Variants in APBA1 observed in about 807,000 individuals in gnomAD.
The protein encoded by APBA1 is amyloid-beta A4 precursor protein-binding family A member 1.
APBA1 carries 55 observed loss-of-function variants against 86.6 expected under a neutral mutation model. The observed-to-expected ratio is 0.64, with a 90% CI of 0.51 to 0.80. APBA1 has a LOEUF of 0.80. Among genes scored for constraint, APBA1 ranks in the 30% least tolerant of loss-of-function variants. The pLI is 0.00. For missense variants in APBA1, 1,090 were observed against 1,183.0 expected (o/e 0.92, Z 1.15); for synonymous variants, 511 against 493.9 (o/e 1.03, Z -0.46).
chr9:69,449,940 G>A (rs1490187497), intron 9 of APBA1, 144 bp from the exon 10 acceptor site: 4 of 649,480 alleles, frequency 6.2e-6, no homozygotes, highest in African/African-American at 5.5e-5. Flanking sequence ...TGTCTTCTCA[G>A]CATTCCGCAT....
chr9:69,623,978 G>T (rs991089837), intron 1 of APBA1, among the ~76,000 whole-genome samples: 2 of 152,090 alleles, frequency 1.3e-5, no homozygotes, highest in Non-Finnish European at 2.9e-5. Context: ...AAATGTAAAA[G>T]CAACATAAAA....
At chr9:69,551,684 G>A (rs1836787895) in intron 1 of APBA1, among the ~76,000 whole-genome samples, 1 of 152,112 alleles carries the variant, frequency 6.6e-6, no homozygotes, top group African/African-American at 2.4e-5. Context: ...AAGTCTGGGT[G>A]AACTTTTTTA....
intron 2 of APBA1, among the ~76,000 whole-genome samples, chr9:69,505,232 A>C (rs1025354273): frequency 2.6e-5 from 4 of 152,114 alleles, no homozygotes; most frequent in Admixed American, 2.0e-4. Context: ...TGACAGGCGC[A>C]CAGCCATCTT....
Position 69,431,173 on chromosome 9 carries a change from A to T in APBA1, c.*154T>A. 6.5e-6 allele frequency: 3 copies of T among 462,176 alleles called. No individual in the cohort carries two copies. The highest frequency in any genetic ancestry group is 3.9e-6 in the Non-Finnish European group (1 of 258,682). 28.6% of individuals were successfully genotyped at this position (462,176 alleles called of 1,614,324 possible). On this transcript the variant is annotated 3_prime_UTR_variant, in exon 13 of 13. Coordinates refer to ENST00000265381, the MANE Select transcript of APBA1 (RefSeq NM_001163.4). ...AAAAAAAAAAAAAAGCAAATCGGAG[A>T]GAGTAAAGAGGTCCTTGTGGATTCT...
At chr9:69,541,259 C>CCA (rs35450529) in intron 1 of APBA1, among the ~76,000 whole-genome samples, 1,634 of 149,634 alleles carry the variant, frequency 0.011, 27 homozygotes, top group Non-Finnish European at 0.018. Context: ...GGACCCCCCC[C>CCA]CCCATTCTGT....
At chr9:69,442,628 C>T (rs1266702315) in intron 10 of APBA1, among the ~76,000 whole-genome samples, 7 of 152,174 alleles carry the variant, frequency 4.6e-5, no homozygotes, top group East Asian at 1.9e-4. Flanking sequence ...GTCCAGTTTG[C>T]GCCCTCTACG....
intron 10 of APBA1, among the ~76,000 whole-genome samples, chr9:69,442,032 C>A (rs779496116): frequency 6.6e-5 from 10 of 152,202 alleles, no homozygotes; most frequent in Non-Finnish European, 1.3e-4. Context: ...CACTTGCCCT[C>A]TGCTGGGTGG....
At chr9:69,626,017 A>G (rs1822921491) in intron 1 of APBA1, among the ~76,000 whole-genome samples, 1 of 152,192 alleles carries the variant, frequency 6.6e-6, no homozygotes, top group South Asian at 2.1e-4. Context: ...ATTAACTACC[A>G]TTTAAATGTC....
chr9:69,450,336 C>A (rs930072957), intron 9 of APBA1, among the ~76,000 whole-genome samples: 2 of 152,102 alleles, frequency 1.3e-5, no homozygotes, highest in Non-Finnish European at 2.9e-5. Context: ...GCTGGGTGTG[C>A]ACACAGGAAG....
intron 1 of APBA1, among the ~76,000 whole-genome samples, chr9:69,589,808 AG>A (rs1822092920): frequency 6.6e-6 from 1 of 152,204 alleles, no homozygotes; most frequent in African/African-American, 2.4e-5. Context: ...CAAACATTTT[AG>A]GTCCATCTTC....
At chr9:69,470,962 C>A (rs1348320325) in intron 4 of APBA1, among the ~76,000 whole-genome samples, 2 of 152,164 alleles carry the variant, frequency 1.3e-5, no homozygotes, top group Admixed American at 6.5e-5. Context: ...CCATGTGTGG[C>A]AGCCCCACAA....
At chr9:69,512,409 C>G (rs1334633738) in intron 2 of APBA1, among the ~76,000 whole-genome samples, 2 of 152,150 alleles carry the variant, frequency 1.3e-5, no homozygotes, top group Non-Finnish European at 2.9e-5. Context: ...GTGTTAAAAA[C>G]AGATTTAGCA....
chr9:69,505,873 G>C lies in APBA1; in HGVS notation c.1200+10138C>G, dbSNP rs187310342. 1.7e-3 allele frequency among the ~76,000 whole-genome samples: 258 copies of C among 152,060 alleles called. 1 individual carries two copies. The highest frequency in any genetic ancestry group is 5.8e-3 in the African/African-American group (239 of 41,478). ...TCTCTACTAAAAAATACAAAAATTA[G>C]ATGGGCATGGTGGCATGCACCTGTA... On this transcript the variant is annotated intron_variant, in intron 2 of 12. Transcript: ENST00000265381.
At chr9:69,596,280 C>T (rs375850758) in intron 1 of APBA1, among the ~76,000 whole-genome samples, 2 of 152,278 alleles carry the variant, frequency 1.3e-5, no homozygotes, top group East Asian at 1.9e-4. Context: ...AGCCACTGTG[C>T]CTGGCACTTT....
rs768693078 is a variant in APBA1, at chr9:69,476,179, G to C, written c.1201-36C>G. On this transcript the variant is annotated intron_variant, in intron 2 of 12. Coordinates refer to ENST00000265381, the MANE Select transcript of APBA1 (RefSeq NM_001163.4). Reference sequence around the variant, plus strand: ...GCAAGAGGAAACACAGTGAGAACTTGAGAGACTCGGCAGACACTTGGCTGG... The same window carrying C: ...GCAAGAGGAAACACAGTGAGAACTTCAGAGACTCGGCAGACACTTGGCTGG... The C allele has an allele frequency of 2.7e-6, 4 of 1,509,312 alleles. No individual in the cohort carries two copies. In the East Asian group the frequency reaches 6.8e-5, roughly 26 times the overall value. 93.5% of individuals were successfully genotyped at this position (1,509,312 alleles called of 1,614,324 possible). A position where few individuals can be genotyped will look rare whatever the true frequency, so the allele number is the denominator to read the frequency against.
intron 2 of APBA1, among the ~76,000 whole-genome samples, chr9:69,484,949 A>T (rs1429025354): frequency 6.6e-6 from 1 of 152,000 alleles, no homozygotes; most frequent in Non-Finnish European, 1.5e-5. Context: ...TTGTGTGTAG[A>T]ATATTCAACA....
intron 1 of APBA1, among the ~76,000 whole-genome samples, chr9:69,561,716 G>A (rs1053155158): frequency 1.2e-4 from 18 of 151,418 alleles, no homozygotes; most frequent in African/African-American, 2.2e-4. Flanking sequence ...TGCAACTTCC[G>A]CCTTACAGGT....
At chr9:69,466,644 C>T (rs536672843) in intron 5 of APBA1, among the ~76,000 whole-genome samples, 121 of 152,328 alleles carry the variant, frequency 7.9e-4, no homozygotes, top group African/African-American at 2.9e-3. Flanking sequence ...ACTTTATCAG[C>T]TACTGTTTTT....
chr9:69,538,582 G>A (rs1030593204), intron 1 of APBA1, among the ~76,000 whole-genome samples: 8 of 152,166 alleles, frequency 5.3e-5, no homozygotes, highest in Non-Finnish European at 8.8e-5. Flanking sequence ...TCAGTGGTTT[G>A]TGTTACTCAT....
Sources: allele counts gnomAD v4.1 joint callset (sites outside exome capture counted in the v4.1 genomes callset), GRCh38; gene constraint gnomAD v4.1.1; transcripts MANE v1.5; gene names NCBI Gene and HGNC (gene_info 2026-07-23, HGNC 2026-07-21).